MYO3A: variants seen among roughly 807,000 people sequenced by gnomAD.
The protein encoded by MYO3A is myosin-IIIa.
MYO3A carries 180 observed loss-of-function variants against 192.7 expected under a neutral mutation model. The observed-to-expected ratio is 0.93, with a 90% CI of 0.83 to 1.06. MYO3A has a LOEUF of 1.06. Ranked by LOEUF, MYO3A falls within the 50% of genes least tolerant of loss-of-function variation. The pLI, the probability that MYO3A is intolerant of heterozygous loss-of-function variation, is 0.00. For missense variants in MYO3A, 1,896 were observed against 1,905.0 expected, an observed-to-expected ratio of 1.00 and a Z score of 0.09; for synonymous variants, 628 against 645.3, an observed-to-expected ratio of 0.97 and a Z score of 0.41.
intron 20 of MYO3A, among the ~76,000 whole-genome samples, chr10:26,138,205 T>C (rs1839959799): frequency 6.6e-6 from 1 of 152,192 alleles, no homozygotes. Flanking sequence ...GTCCTACTGA[T>C]ATGTGAGGTC....
At chr10:25,959,322 A>G (rs1383537065) in intron 4 of MYO3A, among the ~76,000 whole-genome samples, 3 of 152,106 alleles carry the variant, frequency 2.0e-5, no homozygotes, top group African/African-American at 7.2e-5. Context: ...TATGTTTTTC[A>G]AAGTAAATAC....
chr10:26,048,604 G>A (rs907672935), intron 10 of MYO3A, among the ~76,000 whole-genome samples: 8 of 151,786 alleles, frequency 5.3e-5, no homozygotes, highest in Non-Finnish European at 8.8e-5. Context: ...ACAGCACCTG[G>A]GCAGCCCAGA....
At chr10:26,146,885 G>C (rs2131866347) in intron 22 of MYO3A, among the ~76,000 whole-genome samples, 1 of 152,294 alleles carries the variant, frequency 6.6e-6, no homozygotes, top group Non-Finnish European at 1.5e-5. Context: ...GGCCGAGGTA[G>C]GAGGATCACT....
In MYO3A at chr10:26,003,678, A is replaced by C. The variant is rs910116683; in HGVS notation, c.508+6420A>C. On this transcript the variant is annotated intron_variant, in intron 6 of 34. Transcript: ENST00000642920. ...GGCAAGTGAACTAATGTCTGAAAAA[A>C]AACAATCTTTATCTTGAATAGAAAA... 3.3e-5 allele frequency among the ~76,000 whole-genome samples: 5 copies of C among 152,212 alleles called. No homozygotes were observed. The East Asian group carries it at 7.7e-4, about 23-fold the overall frequency.
intron 23 of MYO3A, among the ~76,000 whole-genome samples, chr10:26,152,190 A>T (rs1333334121): frequency 6.6e-6 from 1 of 152,226 alleles, no homozygotes; most frequent in Non-Finnish European, 1.5e-5. Context: ...ATAAACTCAG[A>T]ACCTCAGAGA....
At chr10:26,102,345 C>A (rs953441258) in intron 17 of MYO3A, among the ~76,000 whole-genome samples, 2 of 152,162 alleles carry the variant, frequency 1.3e-5, no homozygotes, top group African/African-American at 4.8e-5. Context: ...CAAACATCCT[C>A]CTTTAGCTCG....
In MYO3A at chr10:26,096,443, T is replaced by A. The variant is rs1300869406; in HGVS notation, c.1625T>A (p.Leu542Gln). The A allele has an allele frequency of 1.2e-6, 2 of 1,613,756 alleles. No individual in the cohort carries two copies. The highest frequency in any genetic ancestry group is 2.7e-5 in the African/African-American group (2 of 74,930). The part of the protein sequence containing the change: ...IYAGLAEKKK[L>Q]AHYKLPENKP... The stretch of plus-strand genomic sequence containing the variant: ...GCTGGTTTGGCTGAAAAGAAGAAAC[T>A]AGCCCATTACAAACTGCCTGAAAAT... The change falls in exon 16 of 35, where the codon CTA becomes CAA. Residue 542 changes from leucine (L) to glutamine (Q), a missense_variant. By Grantham distance (113) the Leu-to-Gln change is moderately radical. Coordinates refer to ENST00000642920, the MANE Select transcript of MYO3A (RefSeq NM_017433.5).
intron 17 of MYO3A, among the ~76,000 whole-genome samples, chr10:26,116,722 A>G (rs1277718906): frequency 6.6e-6 from 1 of 152,144 alleles, no homozygotes; most frequent in Non-Finnish European, 1.5e-5. Context: ...TTCTGGGACA[A>G]GGTTTCTCAA....
intron 4 of MYO3A, among the ~76,000 whole-genome samples, chr10:25,969,277 G>A (rs1290587681): frequency 6.6e-6 from 1 of 152,140 alleles, no homozygotes; most frequent in Non-Finnish European, 1.5e-5. Context: ...TTGCTGGAAT[G>A]TTGTTATAAT....
chr10:26,186,113 AT>A, intron 31 of MYO3A, among the ~76,000 whole-genome samples: 1 of 152,328 alleles, frequency 6.6e-6, no homozygotes, highest in South Asian at 2.1e-4. Flanking sequence ...TTTTAATATT[AT>A]GGGACAAATC....
At chr10:26,003,456 C>T (rs989040290) in intron 6 of MYO3A, among the ~76,000 whole-genome samples, 3 of 152,116 alleles carry the variant, frequency 2.0e-5, no homozygotes, top group African/African-American at 7.2e-5. Flanking sequence ...TTTGCTAATG[C>T]TCATTATGAA....
intron 2 of MYO3A, among the ~76,000 whole-genome samples, chr10:25,942,604 C>T (rs1836570712): frequency 6.6e-6 from 1 of 152,168 alleles, no homozygotes; most frequent in South Asian, 2.1e-4. Context: ...ACTGAAATCG[C>T]TTTCTGGGTT....
chr10:26,087,182 T>G (rs973108541), intron 14 of MYO3A, among the ~76,000 whole-genome samples: 9 of 152,216 alleles, frequency 5.9e-5, no homozygotes, highest in Non-Finnish European at 8.8e-5. Context: ...CTCACCTTTT[T>G]CATGGGTGCA....
chr10:26,115,705 G>T (rs959304391), intron 17 of MYO3A, among the ~76,000 whole-genome samples: 1 of 152,084 alleles, frequency 6.6e-6, no homozygotes, highest in African/African-American at 2.4e-5. Context: ...GTACATCTCA[G>T]TCTTTTGAAT....
At chr10:26,027,030 T>C (rs1157162441) in intron 10 of MYO3A, among the ~76,000 whole-genome samples, 1 of 152,244 alleles carries the variant, frequency 6.6e-6, no homozygotes, top group Non-Finnish European at 1.5e-5. Context: ...GAATGTAAAC[T>C]TCAAAAGATC....
At chr10:26,015,082 T>C (rs1254031322) in intron 6 of MYO3A, among the ~76,000 whole-genome samples, 1 of 152,194 alleles carries the variant, frequency 6.6e-6, no homozygotes, top group Non-Finnish European at 1.5e-5. Flanking sequence ...TAAAATAGCC[T>C]GAAAATTCCC....
At chr10:26,102,122 C>G (rs1170433938) in intron 17 of MYO3A, among the ~76,000 whole-genome samples, 4 of 152,124 alleles carry the variant, frequency 2.6e-5, no homozygotes, top group Non-Finnish European at 5.9e-5. Flanking sequence ...CTCTAAACTT[C>G]TCTTCTCGCT....
intron 2 of MYO3A, among the ~76,000 whole-genome samples, chr10:25,944,512 G>A (rs1836709613): frequency 6.6e-6 from 1 of 152,050 alleles, no homozygotes; most frequent in Non-Finnish European, 1.5e-5. Context: ...ATTCACCAGT[G>A]AAGTGATCTG....
intron 10 of MYO3A, among the ~76,000 whole-genome samples, chr10:26,027,317 C>A (rs1019239567): frequency 6.6e-6 from 1 of 151,088 alleles, no homozygotes; most frequent in Non-Finnish European, 1.5e-5. Context: ...TAATCTGTAA[C>A]CTTTTAATAT....
Sources: gnomAD v4.1 joint callset for allele counts (sites outside exome capture counted in the v4.1 genomes callset) on GRCh38, gnomAD v4.1.1 for gene constraint, MANE v1.5 for transcripts, NCBI Gene and HGNC (gene_info 2026-07-23, HGNC 2026-07-21) for gene names.